MED12L: variants seen among roughly 807,000 people sequenced by gnomAD.
MED12L encodes the protein mediator complex subunit 12L.
MED12L carries 60 observed loss-of-function variants against 281.3 expected under a neutral mutation model. The ratio of observed to expected loss-of-function variants is 0.21; its 90% confidence interval spans 0.17 to 0.26. MED12L has a LOEUF of 0.26. Ranked by LOEUF, MED12L falls within the 10% of genes least tolerant of loss-of-function variation. The pLI is 1.00. For synonymous variants in MED12L, 974 were observed against 987.2 expected (o/e 0.99, Z 0.25); for missense variants, 2,146 against 2,680.9 (o/e 0.80, Z 4.41).
Position 151,233,775 on chromosome 3 carries a change from G to A in MED12L, c.2250+40109G>A, listed in dbSNP as rs190219448. ...AAACACAGCACCGACTTGAGAGCGA[G>A]AGTCCCACAGGCATTCTTGGATCGT... On this transcript the variant is annotated intron_variant, in intron 16 of 44. Coordinates refer to ENST00000687756, the MANE Select transcript of MED12L (RefSeq NM_001393769.1). Among the ~76,000 whole-genome samples, 165 of 152,278 alleles carry A rather than the reference G, an allele frequency of 1.1e-3. 2 individuals carry two copies. The highest frequency in any genetic ancestry group is 3.6e-3 in the African/African-American group (151 of 41,562).
chr3:151,156,220 T>C lies in MED12L; in HGVS notation c.616T>C (p.Tyr206His). The C allele has an allele frequency of 6.2e-7, 1 of 1,613,586 alleles. No homozygotes were observed. Residue 206 changes from tyrosine to histidine, a missense_variant, in exon 6 of 45, where the codon TAC becomes CAC. Tyr to His is a moderately conservative substitution (Grantham distance 83). Around this residue, in one of 9 missense-constraint regions of MED12L, gnomAD observed 722 missense variants for 861.2 expected, o/e 0.84. Transcript: ENST00000687756. ...REQLAKISDF[Y>H]HMASSTGDGP... is the part of the protein sequence containing the mutation. ...GCAGTTGGCCAAGATTTCTGACTTT[T>C]ACCACATGGCCTCCAGCACGGGCGA... is the stretch of plus-strand genomic sequence containing the variant.
chr3:151,292,563 G>A (rs9880395), intron 16 of MED12L, among the ~76,000 whole-genome samples: 17,214 of 151,310 alleles, frequency 0.11, 1,248 homozygotes, highest in Middle Eastern at 0.17. Context: ...GAGCCACTGC[G>A]CGCAGCTTGC....
chr3:151,086,396 C>T (rs1357940196), intron 1 of MED12L: 1 of 152,518 alleles, frequency 6.6e-6, no homozygotes, highest in Non-Finnish European at 1.5e-5. Flanking sequence ...CGGGGGCGGT[C>T]CGCTCCACAG....
At chr3:151,345,517 CTTT>C (rs201731496) in intron 16 of MED12L, among the ~76,000 whole-genome samples, 2 of 131,638 alleles carry the variant, frequency 1.5e-5, no homozygotes, top group Non-Finnish European at 3.3e-5. Flanking sequence ...TTTTCTTTTT[CTTT>C]TTTTTTTTTT....
chr3:151,149,224 G>A (rs1234757502), intron 5 of MED12L, among the ~76,000 whole-genome samples: 1 of 152,154 alleles, frequency 6.6e-6, no homozygotes, highest in Non-Finnish European at 1.5e-5. Flanking sequence ...GCCCTGCTAG[G>A]TGATGAAGTG....
intron 16 of MED12L, among the ~76,000 whole-genome samples, chr3:151,221,315 A>G (rs562028691): frequency 2.0e-5 from 3 of 152,252 alleles, no homozygotes; most frequent in Non-Finnish European, 4.4e-5. Context: ...AGAAAATCCC[A>G]TCTTCTGACG....
chr3:151,135,287 G>T (rs1038308182), intron 5 of MED12L, among the ~76,000 whole-genome samples: 6 of 152,198 alleles, frequency 3.9e-5, no homozygotes, highest in African/African-American at 7.2e-5. Flanking sequence ...AAAGGGCTGG[G>T]ATTACAGGCG....
At chr3:151,432,016 G>A (rs1342145651) in intron 44 of MED12L, among the ~76,000 whole-genome samples, 1 of 152,206 alleles carries the variant, frequency 6.6e-6, no homozygotes, top group African/African-American at 2.4e-5. Flanking sequence ...ATACTCAGCT[G>A]CCTGATAAGC....
rs561929730 is a variant in MED12L at position 151,369,437 on chromosome 3, C to T, written c.3552C>T (p.Gly1184=). The T allele has an allele frequency of 1.1e-5, 18 of 1,597,054 alleles. No individual in the cohort carries two copies. The African/African-American group carries it at 1.7e-4, about 16-fold the overall frequency. Residue 1184 remains glycine (G), a splice_region_variant and synonymous_variant, in exon 26 of 45, where the codon GGC becomes GGT. Coordinates refer to ENST00000687756, the MANE Select transcript of MED12L (RefSeq NM_001393769.1). ...ATTAAAGATTTGTTGTTTTTGTAGG[C>T]AAACCTTTCCCTGGAATAAGATCAT... ...PQACFLPQAT[G]KPFPGIRSSC...
Position 151,367,675 on chromosome 3 carries a change from A to G in MED12L, c.3357A>G (p.Leu1119=). Reference sequence around the variant, plus strand: ...GTGACCTTTCATTCCATGATTCATTAGCTACTTTCATTGCTATTCTGATAG... The same window carrying G: ...GTGACCTTTCATTCCATGATTCATTGGCTACTTTCATTGCTATTCTGATAG... The part of the protein sequence containing the change: ...DVSDLSFHDS[L]ATFIAILIAR... The change falls in exon 24 of 45, where the codon TTA becomes TTG. Residue 1119 remains leucine (L), a synonymous_variant. Transcript: ENST00000687756. The G allele has an allele frequency of 6.2e-7, 1 of 1,609,288 alleles. No individual in the cohort carries two copies. The highest frequency in any genetic ancestry group is 8.5e-7 in the Non-Finnish European group (1 of 1,177,164).
intron 16 of MED12L, among the ~76,000 whole-genome samples, chr3:151,206,406 T>G (rs1422106894): frequency 6.6e-6 from 1 of 152,100 alleles, no homozygotes; most frequent in Non-Finnish European, 1.5e-5. Flanking sequence ...TGACAGTCCT[T>G]TTGGTTGTCT....
chr3:151,396,501 C>G (rs1469961090), intron 39 of MED12L, among the ~76,000 whole-genome samples: 1 of 152,198 alleles, frequency 6.6e-6, no homozygotes, highest in African/African-American at 2.4e-5. Flanking sequence ...GCATGCCACA[C>G]TGTAGTCCCA....
intron 17 of MED12L, among the ~76,000 whole-genome samples, chr3:151,351,709 G>A (rs530518891): frequency 6.6e-6 from 1 of 152,274 alleles, no homozygotes; most frequent in African/African-American, 2.4e-5. Flanking sequence ...CCTTCAGGAG[G>A]TTCGTAATAC....
chr3:151,218,881 A>C, intron 16 of MED12L, among the ~76,000 whole-genome samples: 1 of 96,058 alleles, frequency 1.0e-5, no homozygotes, highest in Non-Finnish European at 2.1e-5. Context: ...AAAAAAAAAA[A>C]AAAAAAAAAA....
In MED12L at chr3:151,429,162, C is replaced by T. The variant is rs368949893; in HGVS notation, c.6409-1137C>T. The stretch of plus-strand genomic sequence containing the variant: ...TACCTGACAGGAGCTGCAACCTTCC[C>T]GGTGTGGGGCGTGGCCAGCCAGCAG... On this transcript the variant is annotated intron_variant, in intron 43 of 44. Coordinates refer to ENST00000687756, the MANE Select transcript of MED12L (RefSeq NM_001393769.1). Among the ~76,000 whole-genome samples, 11 of 152,304 alleles carry T rather than the reference C, an allele frequency of 7.2e-5. No homozygotes were observed. The East Asian group carries it at 1.4e-3, about 19-fold the overall frequency.
chr3:151,213,886 A>G lies in MED12L; in HGVS notation c.2250+20220A>G, dbSNP rs754601212. 37 of 1,613,870 alleles carry G rather than the reference A, an allele frequency of 2.3e-5. No homozygotes were observed. The highest frequency in any genetic ancestry group is 5.0e-5 in the Admixed American group (3 of 60,008). On this transcript the variant is annotated intron_variant, in intron 16 of 44. Coordinates refer to ENST00000687756, the MANE Select transcript of MED12L (RefSeq NM_001393769.1). ...AAGGAGGAGCATGAGCATCCATACT[A>G]TCACTGACAGAAGTTTGCTGTAACT...
Position 151,380,185 on chromosome 3 carries a change from G to A in MED12L, c.4551G>A (p.Arg1517=). 1 of 1,610,128 alleles carries A rather than the reference G, an allele frequency of 6.2e-7. No individual in the cohort carries two copies. Among genetic ancestry groups the A allele is most frequent in the Non-Finnish European group, 8.5e-7 (1 of 1,178,514 alleles). Residue 1517 remains arginine, a synonymous_variant, in exon 32 of 45, where the codon AGG becomes AGA. Transcript: ENST00000687756. ...LTCLKGQDEQ[R]EGLLTSLQNQ... ...GCCTTAAGGGACAAGATGAACAAAG[G>A]GAAGGCCTCCTAACATCTCTCCAGA...
intron 6 of MED12L, among the ~76,000 whole-genome samples, chr3:151,158,458 C>A (rs1185267749): frequency 6.7e-6 from 1 of 149,506 alleles, no homozygotes; most frequent in Admixed American, 6.6e-5. Flanking sequence ...TTTTTTTTTT[C>A]ATTGTTGGAA....
chr3:151,361,671 A>T (rs1426851303), intron 21 of MED12L, among the ~76,000 whole-genome samples: 4 of 152,150 alleles, frequency 2.6e-5, no homozygotes, highest in Non-Finnish European at 1.5e-5. Flanking sequence ...TTTTGGCTGT[A>T]GCTATAACCT....
Sources: gnomAD v4.1 joint callset for allele counts (sites outside exome capture counted in the v4.1 genomes callset) on GRCh38, gnomAD v4.1.1 for gene constraint, gnomAD v4.1.1 regional missense constraint, MANE v1.5 for transcripts, NCBI Gene and HGNC (gene_info 2026-07-23, HGNC 2026-07-21) for gene names.